The following SULF1 variants were observed in gnomAD, a reference collection of about 807,000 sequenced individuals.
The protein encoded by SULF1 is extracellular sulfatase Sulf-1.
Under a neutral mutation model 110.5 loss-of-function variants are expected in SULF1, and 46 were observed. That is an observed-to-expected ratio of 0.42 (90% CI 0.33 to 0.53). SULF1 has a LOEUF of 0.53. Ranked by LOEUF, SULF1 falls within the 20% of genes least tolerant of loss-of-function variation. SULF1 has a pLI of 0.12. For synonymous variants in SULF1, 371 were observed against 387.1 expected (o/e 0.96, Z 0.49); for missense variants, 941 against 1,094.2 (o/e 0.86, Z 1.98).
chr8:69,574,719 G>GTTAT (rs1451982631), intron 5 of SULF1, among the ~76,000 whole-genome samples: 1 of 152,218 alleles, frequency 6.6e-6, no homozygotes, highest in African/African-American at 2.4e-5. Flanking sequence ...CTCAAGACAT[G>GTTAT]TTATTCATTG....
At chr8:69,470,335 A>G (rs1809028819) in intron 1 of SULF1, among the ~76,000 whole-genome samples, 1 of 152,182 alleles carries the variant, frequency 6.6e-6, no homozygotes. Flanking sequence ...TTCAGCTTTT[A>G]TTTAGGTTAG....
In SULF1 at chr8:69,510,627, T is replaced by G. The variant is rs1328636497; in HGVS notation, c.-134+8659T>G. On this transcript the variant is annotated intron_variant, in intron 3 of 22. Transcript: ENST00000402687. ...TTTGGTGGGTTTTTTTTTGTTTTTT[T>G]TTTTTTTGAGACAAAGTCTCACTCT... 1.7e-4 allele frequency among the ~76,000 whole-genome samples: 26 copies of G among 151,338 alleles called. No homozygotes were observed. The East Asian group carries it at 4.5e-3, about 26-fold the overall frequency.
In SULF1 at chr8:69,520,112, T is replaced by TACACACAC. The variant is rs34036903; in HGVS notation, c.-134+18182_-134+18189dup. 1.6e-3 allele frequency among the ~76,000 whole-genome samples: 214 copies of TACACACAC among 137,128 alleles called. 1 individual carries two copies. The highest frequency in any genetic ancestry group is 2.8e-3 in the Non-Finnish European group (172 of 61,814). The allele number at this position is 137,128 out of a possible 152,430, so 90.0% of individuals were successfully genotyped here. On this transcript the variant is annotated intron_variant, in intron 3 of 22. Coordinates refer to ENST00000402687, the MANE Select transcript of SULF1 (RefSeq NM_001128205.2). ...TTTAAAGAGTCCCTAAAATTCCAGTTACACACACACACACACACACACACA... is the reference window on the plus strand; with the variant it reads ...TTTAAAGAGTCCCTAAAATTCCAGTTACACACACACACACACACACACACACACACACA...
intron 8 of SULF1, among the ~76,000 whole-genome samples, chr8:69,593,285 T>C (rs1807041464): frequency 6.6e-6 from 1 of 152,210 alleles, no homozygotes; most frequent in Admixed American, 6.5e-5. Context: ...AACTGCTCAA[T>C]GACCAGCTTC....
intron 13 of SULF1, among the ~76,000 whole-genome samples, chr8:69,607,266 C>T (rs78050827): frequency 0.022 from 3,340 of 152,290 alleles, 34 homozygotes; most frequent in South Asian, 0.044. Context: ...GCCCTCAAAC[C>T]ATAGCTTAGG....
At chr8:69,521,693 A>T (rs534787984) in intron 3 of SULF1, among the ~76,000 whole-genome samples, 1 of 152,308 alleles carries the variant, frequency 6.6e-6, no homozygotes, top group South Asian at 2.1e-4. Context: ...CCTGGAGGCC[A>T]TGGGAAGGAT....
chr8:69,540,918 T>A (rs1813809401), intron 3 of SULF1, among the ~76,000 whole-genome samples: 1 of 148,466 alleles, frequency 6.7e-6, no homozygotes, highest in Non-Finnish European at 1.5e-5. Context: ...TCTGTTAACT[T>A]CACTCTAAAC....
chr8:69,548,614 ATTTTT>A (rs3059933), intron 3 of SULF1, among the ~76,000 whole-genome samples: 1 of 120,912 alleles, frequency 8.3e-6, no homozygotes, highest in South Asian at 2.8e-4. Flanking sequence ...TGCCTCGCTG[ATTTTT>A]TTTTTTTTTT....
At chr8:69,543,373 C>T (rs1187122817) in intron 3 of SULF1, among the ~76,000 whole-genome samples, 1 of 149,498 alleles carries the variant, frequency 6.7e-6, no homozygotes, top group Admixed American at 6.7e-5. Flanking sequence ...CTCTCCCCAA[C>T]CCCCACCCTC....
chr8:69,531,005 G>A (rs889829355), intron 3 of SULF1, among the ~76,000 whole-genome samples: 1 of 152,180 alleles, frequency 6.6e-6, no homozygotes, highest in Non-Finnish European at 1.5e-5. Context: ...ACGATGGCAT[G>A]AGGTGGGAGG....
chr8:69,470,453 G>A (rs1266072685), intron 1 of SULF1, among the ~76,000 whole-genome samples: 1 of 152,032 alleles, frequency 6.6e-6, no homozygotes, highest in Non-Finnish European at 1.5e-5. Context: ...AGGAGGTGGG[G>A]AATTCGCCAG....
At chr8:69,579,181 GGAAA>G (rs1225785083) in intron 6 of SULF1, among the ~76,000 whole-genome samples, 4 of 137,228 alleles carry the variant, frequency 2.9e-5, no homozygotes, top group Non-Finnish European at 6.3e-5. Context: ...AAAAAAAAAA[GGAAA>G]GAAAAACCAG....
intron 13 of SULF1, among the ~76,000 whole-genome samples, chr8:69,616,230 A>ATTTTT (rs1197822345): frequency 2.3e-4 from 32 of 139,994 alleles, no homozygotes; most frequent in African/African-American, 8.1e-4. Context: ...ATATATATAT[A>ATTTTT]TTTTTTTGAG....
intron 22 of SULF1, among the ~76,000 whole-genome samples, chr8:69,657,764 A>G (rs1393265307): frequency 6.6e-6 from 1 of 152,180 alleles, no homozygotes; most frequent in African/African-American, 2.4e-5. Context: ...ACCTCTTTCC[A>G]AATGGTACTT....
At chr8:69,641,625 A>G (rs1416458633) in intron 22 of SULF1, among the ~76,000 whole-genome samples, 1 of 151,978 alleles carries the variant, frequency 6.6e-6, no homozygotes, top group Admixed American at 6.6e-5. Flanking sequence ...AGTCCCAGCT[A>G]CTCAGCTACT....
At chr8:69,638,883 C>T in intron 21 of SULF1, 25 bp downstream of exon 21, 1 of 1,591,586 alleles carries the variant, frequency 6.3e-7, no homozygotes, top group Non-Finnish European at 8.5e-7. Flanking sequence ...ACTATTTTTT[C>T]TATTTTACCT....
Position 69,469,672 on chromosome 8 carries a change from C to T in SULF1, c.-391+2722C>T, listed in dbSNP as rs543149464. 1.4e-4 allele frequency among the ~76,000 whole-genome samples: 21 copies of T among 152,276 alleles called. No homozygotes were observed. The South Asian group carries it at 2.7e-3, about 20-fold the overall frequency. On this transcript the variant is annotated intron_variant, in intron 1 of 22. Transcript: ENST00000260128. Reference sequence around the variant, plus strand: ...AAATGGGACATTTCCTATTTCCTTCCCTAATTATGTATCCATATTGGAAGG... The same window carrying T: ...AAATGGGACATTTCCTATTTCCTTCTCTAATTATGTATCCATATTGGAAGG...
chr8:69,615,840 C>T lies in SULF1; in HGVS notation c.1378-5195C>T, dbSNP rs145354529. Among the ~76,000 whole-genome samples the T allele has an allele frequency of 3.5e-3, 538 of 152,212 alleles. 2 individuals carry two copies. The highest frequency in any genetic ancestry group is 6.0e-3 in the Admixed American group (92 of 15,286). ...CCTAAGTCACTAAAACTTCTGCCTA[C>T]ACCTTTGTGTTCTACAGGAATCTAC... On this transcript the variant is annotated intron_variant, in intron 13 of 22. Transcript: ENST00000402687.
chr8:69,498,953 G>A (rs527789234), intron 2 of SULF1, among the ~76,000 whole-genome samples: 2 of 152,240 alleles, frequency 1.3e-5, no homozygotes, highest in East Asian at 3.9e-4. Context: ...TGACTTCCTG[G>A]GCTGAAGCCA....
Sources: allele counts gnomAD v4.1 joint callset (sites outside exome capture counted in the v4.1 genomes callset), GRCh38; gene constraint gnomAD v4.1.1; transcripts MANE v1.5; gene names NCBI Gene and HGNC (gene_info 2026-07-23, HGNC 2026-07-21).